Variants in RAB6A observed in about 807,000 individuals in gnomAD.
RAB6A encodes ras-related protein Rab-6A.
A neutral mutation model predicts 32.3 loss-of-function variants in RAB6A; 8 were observed. That is an observed-to-expected ratio of 0.25 (90% CI 0.15 to 0.45). RAB6A has a LOEUF of 0.45. Ranked by LOEUF, RAB6A falls within the 20% of genes least tolerant of loss-of-function variation. The pLI is 1.00. For missense variants in RAB6A, 104 were observed against 249.4 expected (o/e 0.42, Z 3.93); for synonymous variants, 73 against 82.1 (o/e 0.89, Z 0.60).
intron 1 of RAB6A, among the ~76,000 whole-genome samples, chr11:73,743,267 C>T (rs1186759794): frequency 6.8e-6 from 1 of 147,318 alleles, no homozygotes; most frequent in Non-Finnish European, 1.5e-5. Context: ...ATTGCGCCAC[C>T]GCACTCCAGC....
chr11:73,699,359 A>T (rs1323122558), intron 6 of RAB6A, among the ~76,000 whole-genome samples: 1 of 152,190 alleles, frequency 6.6e-6, no homozygotes, highest in Non-Finnish European at 1.5e-5. Context: ...CCTGGGGTCA[A>T]GTGACGGTCC....
chr11:73,694,031 G>A (rs903417571), intron 6 of RAB6A, among the ~76,000 whole-genome samples: 21 of 152,124 alleles, frequency 1.4e-4, no homozygotes, highest in Admixed American at 6.6e-5. Context: ...TACCTATGCG[G>A]TATCAGAATT....
chr11:73,709,844 TATATATACATATATAC>T lies in RAB6A; in HGVS notation c.402-2347_402-2332del, dbSNP rs1048082183. Among the ~76,000 whole-genome samples the T allele has an allele frequency of 9.7e-4, 29 of 29,912 alleles. No homozygotes were observed. The East Asian group carries it at 0.059, about 61-fold the overall frequency. The allele number at this position is 29,912 out of a possible 152,430, so 19.6% of individuals were successfully genotyped here. On this transcript the variant is annotated intron_variant, in intron 5 of 7. Transcript: ENST00000336083. ...ATGCATATATATACATATATACACA[TATATATACATATATAC>T]ATATATACACATATACATACATATA...
At chr11:73,706,789 T>C (rs1945853086) in intron 6 of RAB6A, among the ~76,000 whole-genome samples, 1 of 152,162 alleles carries the variant, frequency 6.6e-6, no homozygotes, top group Admixed American at 6.5e-5. Context: ...AGTAAATACT[T>C]GCTTTCATTT....
chr11:73,708,930 C>T lies in RAB6A; in HGVS notation c.402-1417G>A, dbSNP rs117189503. 3.0e-4 allele frequency among the ~76,000 whole-genome samples: 45 copies of T among 152,312 alleles called. No homozygotes were observed. The East Asian group carries it at 8.7e-3, about 29-fold the overall frequency. ...GAAATTATTATTCTAGAATTCTCCA[C>T]TCCCTAAAAACAAGAACATTCTCTT... On this transcript the variant is annotated intron_variant, in intron 5 of 7. Coordinates refer to ENST00000336083, the MANE Select transcript of RAB6A (RefSeq NM_198896.2).
intron 1 of RAB6A, among the ~76,000 whole-genome samples, chr11:73,739,282 A>ATATATATATATATATATATATATAT (rs1289309364): frequency 6.5e-5 from 1 of 15,346 alleles, no homozygotes; most frequent in East Asian, 6.1e-3. Flanking sequence ...AAAAAAAAAA[A>ATATATATATATATATATATATATAT]AAATATATAT....
In RAB6A at chr11:73,695,180, CA is replaced by C. The variant is rs1333456860; in HGVS notation, c.495+12239del. ...CAACTCAGGACATCCCAAAGTGGGC[CA>C]AAAAAACTTTACAAAGGTTTTCAAA... On this transcript the variant is annotated intron_variant, in intron 6 of 7. Transcript: ENST00000336083. Among the ~76,000 whole-genome samples, 4 of 151,462 alleles carry C rather than the reference CA, an allele frequency of 2.6e-5. No individual in the cohort carries two copies. In the South Asian group the frequency reaches 6.2e-4, roughly 24 times the overall value.
intron 6 of RAB6A, among the ~76,000 whole-genome samples, chr11:73,690,159 T>G (rs1387636139): frequency 6.6e-6 from 1 of 152,218 alleles, no homozygotes; most frequent in African/African-American, 2.4e-5. Flanking sequence ...ATTACAGCTT[T>G]GTAATCTCAA....
At chr11:73,686,116 T>C (rs1945451933) in intron 6 of RAB6A, among the ~76,000 whole-genome samples, 1 of 152,178 alleles carries the variant, frequency 6.6e-6, no homozygotes, top group Non-Finnish European at 1.5e-5. Context: ...GGGGGAGACC[T>C]TTTAAAAATA....
intron 2 of RAB6A, among the ~76,000 whole-genome samples, chr11:73,723,573 C>G (rs893599306): frequency 6.6e-6 from 1 of 152,106 alleles, no homozygotes; most frequent in Non-Finnish European, 1.5e-5. Context: ...AAGTGATCTG[C>G]CCACCTCGGC....
intron 6 of RAB6A, among the ~76,000 whole-genome samples, chr11:73,683,151 C>A (rs1239137194): frequency 4.6e-5 from 7 of 151,906 alleles, no homozygotes; most frequent in African/African-American, 1.5e-4. Context: ...AATCTAGTAC[C>A]TGACAATGTG....
rs1467176438 is a variant in RAB6A, at chr11:73,675,652, G to A, written c.*2246C>T. The A allele has an allele frequency of 6.6e-6, 1 of 152,482 alleles. No homozygotes were observed. Among genetic ancestry groups the A allele is most frequent in the Admixed American group, 6.6e-5 (1 of 15,198 alleles). The allele number at this position is 152,482 out of a possible 1,614,324, so 9.4% of individuals were successfully genotyped here. On this transcript the variant is annotated 3_prime_UTR_variant, in exon 8 of 8. Transcript: ENST00000336083. ...CAGGTCAATAATTGTTTTCTTTCGT[G>A]TTTTATTTATATATTTTTGGCAGCA...
chr11:73,691,937 C>T (rs1590829687), intron 6 of RAB6A, among the ~76,000 whole-genome samples: 4 of 152,116 alleles, frequency 2.6e-5, no homozygotes, highest in Admixed American at 2.6e-4. Flanking sequence ...CACATCACTG[C>T]ACTCCGGCCT....
intron 2 of RAB6A, chr11:73,730,538 T>C (rs1012071202): frequency 3.0e-5 from 14 of 460,878 alleles, no homozygotes; most frequent in South Asian, 1.1e-4. Context: ...CTAGATGATA[T>C]TGGAGATATA....
rs75374306 is a variant in RAB6A at position 73,735,396 on chromosome 11, T to C, written c.71-4573A>G. Among the ~76,000 whole-genome samples, 236 of 152,226 alleles carry C rather than the reference T, an allele frequency of 1.6e-3. 1 individual carries two copies. The highest frequency in any genetic ancestry group is 2.9e-3 in the Non-Finnish European group (198 of 68,024). On this transcript the variant is annotated intron_variant, in intron 1 of 7. Coordinates refer to ENST00000336083, the MANE Select transcript of RAB6A (RefSeq NM_198896.2). ...ATACTAAATGCCAGGGACTGAAAAA[T>C]GCTGGGGATATAAAAACAATCAGAA... is the stretch of plus-strand genomic sequence containing the variant.
intron 1 of RAB6A, among the ~76,000 whole-genome samples, chr11:73,749,050 G>A (rs1384308851): frequency 1.3e-5 from 2 of 151,810 alleles, no homozygotes; most frequent in African/African-American, 4.8e-5. Context: ...TCTTGAACCC[G>A]GAAGGCAAAG....
Position 73,731,513 on chromosome 11 carries a change from C to T in RAB6A, c.71-690G>A, listed in dbSNP as rs1946300417. On this transcript the variant is annotated intron_variant, in intron 1 of 7. Transcript: ENST00000336083. The stretch of plus-strand genomic sequence containing the variant: ...GAGCCGAGATCACACCACTGTACTC[C>T]AGCCTGGCAACAGAGACTCCGTCTC... Among the ~76,000 whole-genome samples, 4 of 145,476 alleles carry T rather than the reference C, an allele frequency of 2.7e-5. No individual in the cohort carries two copies. In the South Asian group the frequency reaches 8.7e-4, roughly 32 times the overall value.
chr11:73,745,949 G>A (rs1946582739), intron 1 of RAB6A, among the ~76,000 whole-genome samples: 1 of 151,854 alleles, frequency 6.6e-6, no homozygotes, highest in East Asian at 1.9e-4. Flanking sequence ...GCAGTGAGCT[G>A]AGACTGCGCC....
At position 73,760,701 on chromosome 11, in the gene RAB6A, A is replaced by C; in HGVS notation, c.-66T>G. On this transcript the variant is annotated 5_prime_UTR_variant, in exon 1 of 8. Coordinates refer to ENST00000336083, the MANE Select transcript of RAB6A (RefSeq NM_198896.2). ...CTCCCGGACCGATGCTGCTCCAGCC[A>C]GCTGACGAAAAAGGCGAGCGGAAGG... The C allele has an allele frequency of 6.4e-7, 1 of 1,556,892 alleles. No individual in the cohort carries two copies. Among genetic ancestry groups the C allele is most frequent in the East Asian group, 2.4e-5 (1 of 41,906 alleles).
Sources: allele counts gnomAD v4.1 joint callset (sites outside exome capture counted in the v4.1 genomes callset), GRCh38; gene constraint gnomAD v4.1.1; transcripts MANE v1.5; gene names NCBI Gene and HGNC (gene_info 2026-07-23, HGNC 2026-07-21).